The following ROBO2 variants were observed in gnomAD, a reference collection of about 807,000 sequenced individuals.
The protein encoded by ROBO2 is roundabout guidance receptor 2.
A neutral mutation model predicts 160.8 loss-of-function variants in ROBO2; 53 were observed. The ratio of observed to expected loss-of-function variants is 0.33; its 90% CI spans 0.26 to 0.41. ROBO2 has a LOEUF of 0.41. Ranked by LOEUF, ROBO2 falls within the 10% of genes least tolerant of loss-of-function variation. ROBO2 has a pLI of 1.00. For synonymous variants in ROBO2, 664 were observed against 611.7 expected, an observed-to-expected ratio of 1.09 and a Z score of -1.26; for missense variants, 1,577 against 1,722.4, an observed-to-expected ratio of 0.92 and a Z score of 1.49.
At chr3:76,390,469 T>A (rs905088482) in intron 2 of ROBO2, among the ~76,000 whole-genome samples, 21 of 152,184 alleles carry the variant, frequency 1.4e-4, no homozygotes, top group Non-Finnish European at 2.1e-4. Context: ...AGATTCTTTT[T>A]AGATGATATT....
At chr3:76,814,115 A>G (rs568037704) in intron 2 of ROBO2, among the ~76,000 whole-genome samples, 7 of 152,264 alleles carry the variant, frequency 4.6e-5, no homozygotes, top group African/African-American at 1.7e-4. Flanking sequence ...ATTAAAAACG[A>G]AGTATCCGTC....
chr3:76,091,351 A>T (rs2069227343), intron 2 of ROBO2, among the ~76,000 whole-genome samples: 1 of 152,196 alleles, frequency 6.6e-6, no homozygotes, highest in Admixed American at 6.5e-5. Context: ...AGCATATATA[A>T]TTAAGGAATC....
chr3:76,731,621 G>A (rs930857051), intron 2 of ROBO2, among the ~76,000 whole-genome samples: 2 of 152,164 alleles, frequency 1.3e-5, no homozygotes, highest in Admixed American at 6.5e-5. Context: ...CTCTGTTACT[G>A]TATTTGGATC....
intron 2 of ROBO2, among the ~76,000 whole-genome samples, chr3:77,466,289 T>A (rs553234223): frequency 2.6e-5 from 4 of 152,182 alleles, no homozygotes; most frequent in Non-Finnish European, 5.9e-5. Flanking sequence ...TTTTGTGATG[T>A]GGACATATCA....
chr3:77,293,366 C>T (rs13091046), intron 2 of ROBO2, among the ~76,000 whole-genome samples: 15 of 143,248 alleles, frequency 1.0e-4, no homozygotes, highest in South Asian at 6.9e-4. Context: ...GACGATTAAA[C>T]GGGTAAGCTG....
chr3:77,119,093 G>C (rs1429102968), intron 2 of ROBO2, among the ~76,000 whole-genome samples: 1 of 152,046 alleles, frequency 6.6e-6, no homozygotes, highest in South Asian at 2.1e-4. Flanking sequence ...AAAGTGTTTA[G>C]CACTTCCCCC....
chr3:77,366,895 C>CCCA (rs983688511), intron 2 of ROBO2, among the ~76,000 whole-genome samples: 1 of 116,584 alleles, frequency 8.6e-6, no homozygotes, highest in Non-Finnish European at 2.1e-5. Context: ...CTCACAGCAC[C>CCCA]CCCCCGACAC....
intron 2 of ROBO2, among the ~76,000 whole-genome samples, chr3:76,534,793 C>T (rs146761685): frequency 3.9e-5 from 6 of 152,092 alleles, no homozygotes; most frequent in South Asian, 4.2e-4. Context: ...GAGCCTGATG[C>T]GTAGGAAAGC....
intron 2 of ROBO2, among the ~76,000 whole-genome samples, chr3:76,452,335 A>C (rs980685913): frequency 2.7e-5 from 4 of 150,170 alleles, no homozygotes; most frequent in African/African-American, 9.7e-5. Flanking sequence ...CCTTCCCCCC[A>C]CACAACAGTC....
chr3:77,085,083 A>G (rs1329324162), intron 1 of ROBO2, among the ~76,000 whole-genome samples: 2 of 152,130 alleles, frequency 1.3e-5, no homozygotes, highest in African/African-American at 2.4e-5. Flanking sequence ...AGATCCCCAA[A>G]TGAAAAGTAT....
chr3:76,822,513 T>C (rs1020539572), intron 2 of ROBO2, among the ~76,000 whole-genome samples: 7 of 152,020 alleles, frequency 4.6e-5, no homozygotes, highest in Non-Finnish European at 1.0e-4. Context: ...ATGTAACATT[T>C]GTTGATAATT....
chr3:77,014,569 C>T lies in ROBO2; in HGVS notation c.110-83445C>T, dbSNP rs76669233. Reference sequence around the variant, plus strand: ...GAGAAAGTGTCATCGGGTTGGAAGTCCTCCTGATCAGTCTCCTGCAGCTCT... The same window carrying T: ...GAGAAAGTGTCATCGGGTTGGAAGTTCTCCTGATCAGTCTCCTGCAGCTCT... On this transcript the variant is annotated intron_variant, in intron 2 of 26. Coordinates refer to the ROBO2 transcript ENST00000487694. Among the ~76,000 whole-genome samples, 79 of 152,326 alleles carry T rather than the reference C, an allele frequency of 5.2e-4. No individual in the cohort carries two copies. In the East Asian group the frequency reaches 0.013, roughly 24 times the overall value.
chr3:75,996,578 A>C (rs1459152632), intron 2 of ROBO2, among the ~76,000 whole-genome samples: 1 of 152,224 alleles, frequency 6.6e-6, no homozygotes, highest in Non-Finnish European at 1.5e-5. Context: ...CCATTCATTT[A>C]GGACTTTCCT....
In ROBO2 at chr3:77,438,539, TAC is replaced by T. The variant is rs77955703; in HGVS notation, c.389-38848_389-38847del. Among the ~76,000 whole-genome samples the T allele has an allele frequency of 6.3e-3, 927 of 146,894 alleles. 8 individuals carry two copies. Among genetic ancestry groups the T allele is most frequent in the Admixed American group, 0.016 (236 of 14,478 alleles). On this transcript the variant is annotated intron_variant, in intron 2 of 25. Transcript: ENST00000461745. Reference sequence around the variant, plus strand: ...AGAGTGTGTATTGAAGAGAAGGGGATACACACACACACACACACACACACACA... The same window carrying T: ...AGAGTGTGTATTGAAGAGAAGGGGATACACACACACACACACACACACACA...
At chr3:76,968,650 G>A (rs2059424537) in intron 2 of ROBO2, among the ~76,000 whole-genome samples, 1 of 152,092 alleles carries the variant, frequency 6.6e-6, no homozygotes, top group Admixed American at 6.5e-5. Flanking sequence ...GCTTCGTGAA[G>A]GTTAAATCTT....
chr3:76,271,569 A>G (rs147025460), intron 2 of ROBO2, among the ~76,000 whole-genome samples: 11,350 of 150,838 alleles, frequency 0.075, 725 homozygotes, highest in African/African-American at 0.16. Flanking sequence ...AATGAGATCA[A>G]TGAATAAACT....
chr3:76,917,511 C>T (rs550398463), intron 2 of ROBO2, among the ~76,000 whole-genome samples: 4 of 152,280 alleles, frequency 2.6e-5, no homozygotes, highest in South Asian at 4.1e-4. Flanking sequence ...TGAATATCAA[C>T]ATTTGCATAT....
intron 2 of ROBO2, among the ~76,000 whole-genome samples, chr3:76,246,562 A>G (rs1028482194): frequency 6.6e-5 from 10 of 152,108 alleles, no homozygotes; most frequent in Non-Finnish European, 1.0e-4. Context: ...AGGTTTATGC[A>G]TTTAAATAAT....
At chr3:76,043,342 G>A (rs1408346489) in intron 2 of ROBO2, among the ~76,000 whole-genome samples, 2 of 151,458 alleles carry the variant, frequency 1.3e-5, no homozygotes, top group Non-Finnish European at 2.9e-5. Flanking sequence ...CTTTTATTGG[G>A]CCTCACTTTT....
Sources: allele counts gnomAD v4.1 joint callset (sites outside exome capture counted in the v4.1 genomes callset), GRCh38; gene constraint gnomAD v4.1.1; transcripts MANE v1.5; gene names NCBI Gene and HGNC (gene_info 2026-07-23, HGNC 2026-07-21).